NUCB1: variants seen among roughly 807,000 people sequenced by gnomAD.
The protein encoded by NUCB1 is nucleobindin 1, also known as nucleobindin-1.
Under a neutral mutation model 61.2 loss-of-function variants are expected in NUCB1, and 47 were observed. The observed-to-expected ratio is 0.77, with a 90% confidence interval of 0.61 to 0.98. The LOEUF (loss-of-function observed/expected upper bound fraction) is 0.98. NUCB1 is among the 50% of genes least tolerant of loss of function. The pLI is 0.00. For missense variants in NUCB1, 583 were observed against 605.3 expected (o/e 0.96, Z 0.39); for synonymous variants, 234 against 243.1 (o/e 0.96, Z 0.35).
intron 7 of NUCB1, among the ~76,000 whole-genome samples, chr19:48,915,708 C>T (rs777481108): frequency 2.0e-5 from 3 of 151,982 alleles, no homozygotes; most frequent in Non-Finnish European, 4.4e-5. Context: ...ACCATGTTGC[C>T]CAGGCTGGTC....
chr19:48,900,496 G>T, intron 1 of NUCB1, 124 bp downstream of exon 1: 1 of 484,618 alleles, frequency 2.1e-6, no homozygotes, highest in Non-Finnish European at 3.7e-6. Context: ...AAAAGAGGAG[G>T]CTGGGACCCT....
intron 8 of NUCB1, 96 bp downstream of exon 8, chr19:48,918,880 C>G: frequency 7.4e-7 from 1 of 1,349,704 alleles, no homozygotes; most frequent in Non-Finnish European, 1.0e-6. Context: ...GATGGGAGCT[C>G]AGTGAAAACT....
At chr19:48,908,905 G>A (rs1352219805) in intron 4 of NUCB1, among the ~76,000 whole-genome samples, 1 of 152,020 alleles carries the variant, frequency 6.6e-6, no homozygotes, top group Admixed American at 6.6e-5. Context: ...CAGCGTGTGC[G>A]CTGTCCTTTC....
At chr19:48,916,811 G>C (rs2037545393) in intron 7 of NUCB1, among the ~76,000 whole-genome samples, 1 of 152,194 alleles carries the variant, frequency 6.6e-6, no homozygotes, top group Non-Finnish European at 1.5e-5. Context: ...AGCTACTCAG[G>C]AGGCTGAGGC....
At chr19:48,906,202 T>C (rs919375228) in intron 4 of NUCB1, among the ~76,000 whole-genome samples, 2 of 152,060 alleles carry the variant, frequency 1.3e-5, no homozygotes, top group African/African-American at 4.8e-5. Context: ...GGTCGGGAAT[T>C]GGAGACTATC....
At chr19:48,913,751 G>C (rs958961564) in intron 7 of NUCB1, among the ~76,000 whole-genome samples, 187 bp downstream of exon 7, 2 of 152,142 alleles carry the variant, frequency 1.3e-5, no homozygotes, top group African/African-American at 2.4e-5. Context: ...TGCATGGAAG[G>C]GTTGGGCCTC....
intron 5 of NUCB1, among the ~76,000 whole-genome samples, chr19:48,911,466 C>G (rs1600059290): frequency 1.4e-5 from 2 of 146,908 alleles, no homozygotes; most frequent in Admixed American, 1.4e-4. Flanking sequence ...AGTGCAATGG[C>G]ACAATCTCGG....
chr19:48,921,791 C>T (rs753762674), intron 11 of NUCB1, 36 bp from the exon 12 acceptor site: 2 of 1,593,126 alleles, frequency 1.3e-6, no homozygotes, highest in South Asian at 1.1e-5. Flanking sequence ...GCCAGCATCA[C>T]ACCCTCTTGT....
At chr19:48,900,613 G>C (rs976311000) in intron 1 of NUCB1, 173 bp from the exon 2 acceptor site, 4 of 819,404 alleles carry the variant, frequency 4.9e-6, no homozygotes, top group Non-Finnish European at 5.7e-6. Flanking sequence ...CCAGACTCCT[G>C]TGTCGGAGGA....
chr19:48,920,776 G>A (rs950428337), intron 10 of NUCB1, among the ~76,000 whole-genome samples: 2 of 152,084 alleles, frequency 1.3e-5, no homozygotes, highest in Non-Finnish European at 2.9e-5. Flanking sequence ...ACCCACCTCG[G>A]CCTCCGAAAG....
chr19:48,918,867 C>G (rs753065754), intron 8 of NUCB1, 83 bp downstream of exon 8: 6 of 1,409,408 alleles, frequency 4.3e-6, no homozygotes, highest in Non-Finnish European at 3.0e-6. Flanking sequence ...TTAAATCCCC[C>G]TGGATGGGAG....
chr19:48,902,904 G>A (rs1161607162), intron 2 of NUCB1, among the ~76,000 whole-genome samples: 1 of 150,892 alleles, frequency 6.6e-6, no homozygotes, highest in Non-Finnish European at 1.5e-5. Context: ...GATCATGTGG[G>A]ATCTTGTGAG....
chr19:48,921,717 C>G (rs973129042), intron 11 of NUCB1, 110 bp from the exon 12 acceptor site: 2 of 1,012,378 alleles, frequency 2.0e-6, no homozygotes, highest in Non-Finnish European at 1.5e-6. Context: ...AGGGGTTGGC[C>G]GTGACCACTT....
chr19:48,917,190 T>C (rs929341020), intron 7 of NUCB1, among the ~76,000 whole-genome samples: 2 of 152,026 alleles, frequency 1.3e-5, no homozygotes, highest in Non-Finnish European at 2.9e-5. Context: ...ACCATTGCAC[T>C]CCAGCCTGGG....
Position 48,913,049 on chromosome 19 carries a change from T to C in NUCB1, c.519T>C (p.His173=). The change falls in exon 6 of 13, where the codon CAT becomes CAC. Residue 173 remains histidine (H), a synonymous_variant. Coordinates refer to ENST00000405315, the MANE Select transcript of NUCB1 (RefSeq NM_006184.6). ...RDLAQYDAAH[H]EEFKRYEMLK... ...TTGCCCAGTACGACGCAGCCCATCA[T>C]GAAGAGTTCAAGCGCTACGAGATGC... 1.6e-5 allele frequency: 26 copies of C among 1,613,250 alleles called. No homozygotes were observed. Among genetic ancestry groups the C allele is most frequent in the Non-Finnish European group, 2.1e-5 (25 of 1,179,832 alleles).
intron 7 of NUCB1, among the ~76,000 whole-genome samples, chr19:48,915,789 T>A (rs1247885583): frequency 2.0e-5 from 3 of 151,322 alleles, no homozygotes; most frequent in Admixed American, 6.6e-5. Flanking sequence ...GCATGAGCCA[T>A]CCCACCGGGC....
At chr19:48,913,304 A>AAC (rs2037500352) in intron 6 of NUCB1, 108 bp downstream of exon 6, 1 of 890,680 alleles carries the variant, frequency 1.1e-6, no homozygotes, top group African/African-American at 1.6e-5. Context: ...AGGCAAAAAA[A>AAC]CTCCCTGTTA....
At chr19:48,915,241 G>T (rs1313312586) in intron 7 of NUCB1, among the ~76,000 whole-genome samples, 2 of 152,184 alleles carry the variant, frequency 1.3e-5, no homozygotes, top group African/African-American at 4.8e-5. Flanking sequence ...CACTTTGGGA[G>T]GCCTAGGCGG....
intron 7 of NUCB1, among the ~76,000 whole-genome samples, chr19:48,917,330 T>G (rs1311398203): frequency 2.0e-5 from 3 of 152,086 alleles, no homozygotes; most frequent in Non-Finnish European, 4.4e-5. Context: ...TTTTTCATTT[T>G]TTTTATTTTT....
Sources: gnomAD v4.1 joint callset for allele counts (sites outside exome capture counted in the v4.1 genomes callset) on GRCh38, gnomAD v4.1.1 for gene constraint, MANE v1.5 for transcripts, NCBI Gene and HGNC (gene_info 2026-07-23, HGNC 2026-07-21) for gene names.